Variants in SAMD12 observed in about 807,000 individuals in gnomAD.
SAMD12 encodes sterile alpha motif domain-containing protein 12.
In SAMD12, 9 loss-of-function variants were observed where a neutral mutation model predicts 15.0. The observed-to-expected ratio is 0.60, with a 90% CI of 0.36 to 1.05. The LOEUF (loss-of-function observed/expected upper bound fraction) is 1.05. Among genes scored for constraint, SAMD12 ranks in the 50% least tolerant of loss-of-function variants. The probability of loss-of-function intolerance (pLI) is 0.01; values close to 1 mark genes in which losing one functional copy is unlikely to be tolerated. For synonymous variants in SAMD12, 86 were observed against 90.1 expected (o/e 0.96, Z 0.25); for missense variants, 230 against 234.2 (o/e 0.98, Z 0.12).
chr8:118,386,360 C>G (rs576969823), intron 3 of SAMD12, among the ~76,000 whole-genome samples: 1 of 152,086 alleles, frequency 6.6e-6, no homozygotes, highest in African/African-American at 2.4e-5. Context: ...TCTCCTCTTG[C>G]GCGTGTATAA....
chr8:118,192,331 A>T (rs1819429249), exon 5 of SAMD12: 1 of 152,166 alleles, frequency 6.6e-6, no homozygotes, highest in South Asian at 2.1e-4. Context: ...AATGTGGCAA[A>T]AGCCATATGA....
chr8:118,169,162 C>T, the SAMD12 span, among the ~76,000 whole-genome samples: 1 of 152,128 alleles, frequency 6.6e-6, no homozygotes, highest in Non-Finnish European at 1.5e-5. Context: ...GCAATATACT[C>T]ATGTAACCAA....
exon 5 of SAMD12, chr8:118,190,126 C>T (rs1819322382): frequency 6.6e-6 from 1 of 152,148 alleles, no homozygotes; most frequent in Non-Finnish European, 1.5e-5. Context: ...TGTGTTCTGA[C>T]ATGTGCTTTT....
chr8:118,610,386 C>T (rs141851706), intron 1 of SAMD12, among the ~76,000 whole-genome samples: 208 of 152,192 alleles, frequency 1.4e-3, no homozygotes, highest in East Asian at 5.6e-3. Context: ...TTTGACAGAC[C>T]GGAAAGCAAC....
chr8:118,442,820 C>T (rs945835554), intron 2 of SAMD12, among the ~76,000 whole-genome samples: 6 of 152,180 alleles, frequency 3.9e-5, no homozygotes, highest in Middle Eastern at 3.4e-3. Flanking sequence ...GTCACAGAGG[C>T]GTAAATTAGG....
intron 1 of SAMD12, among the ~76,000 whole-genome samples, chr8:118,603,576 A>G (rs895816126): frequency 1.2e-4 from 18 of 152,220 alleles, no homozygotes; most frequent in Non-Finnish European, 1.9e-4. Flanking sequence ...CAGATATGCA[A>G]GTTCTCAAAA....
chr8:118,139,378 A>G, the SAMD12 span, among the ~76,000 whole-genome samples: 8 of 152,218 alleles, frequency 5.3e-5, no homozygotes, highest in Non-Finnish European at 1.0e-4. Flanking sequence ...TTTACTTTCT[A>G]TAAACAGTCT....
chr8:118,345,637 A>T (rs1223592666), intron 4 of SAMD12, among the ~76,000 whole-genome samples: 1 of 152,274 alleles, frequency 6.6e-6, no homozygotes, highest in African/African-American at 2.4e-5. Context: ...CAAACTGCTT[A>T]GAGAATTATC....
At chr8:118,456,379 A>G (rs748079441) in intron 2 of SAMD12, among the ~76,000 whole-genome samples, 2 of 152,310 alleles carry the variant, frequency 1.3e-5, no homozygotes, top group East Asian at 1.9e-4. Context: ...CGTCTTCACT[A>G]TATCCCTTAT....
chr8:118,140,994 T>C, the SAMD12 span, among the ~76,000 whole-genome samples: 1 of 152,258 alleles, frequency 6.6e-6, no homozygotes, highest in Non-Finnish European at 1.5e-5. Flanking sequence ...TCAGGGTTTA[T>C]CTGTCATTGC....
chr8:118,502,700 A>T (rs1031615913), intron 2 of SAMD12, among the ~76,000 whole-genome samples: 3 of 152,268 alleles, frequency 2.0e-5, no homozygotes, highest in African/African-American at 7.2e-5. Context: ...TATAATTTTG[A>T]AGAAAACATC....
chr8:118,415,498 C>T (rs1821642468), intron 3 of SAMD12, among the ~76,000 whole-genome samples: 2 of 130,710 alleles, frequency 1.5e-5, no homozygotes, highest in South Asian at 5.2e-4. Context: ...TAGACTACTG[C>T]CAATAATCAG....
chr8:118,360,716 C>G (rs1331118783), intron 4 of SAMD12, among the ~76,000 whole-genome samples: 6 of 152,152 alleles, frequency 3.9e-5, no homozygotes, highest in Non-Finnish European at 7.4e-5. Context: ...GTGAGATGGC[C>G]AGAAAGTCTA....
intron 4 of SAMD12, among the ~76,000 whole-genome samples, chr8:118,211,008 C>T (rs1165673672): frequency 6.6e-6 from 1 of 152,100 alleles, no homozygotes; most frequent in Non-Finnish European, 1.5e-5. Flanking sequence ...CAGAAAGCTC[C>T]CAGTCTAATG....
At chr8:118,537,355 A>T (rs1335789348) in intron 2 of SAMD12, among the ~76,000 whole-genome samples, 1 of 151,894 alleles carries the variant, frequency 6.6e-6, no homozygotes, top group Non-Finnish European at 1.5e-5. Flanking sequence ...ACCCCCTTTG[A>T]ATAATATTTC....
intron 4 of SAMD12, among the ~76,000 whole-genome samples, chr8:118,198,567 GA>G (rs1010825660): frequency 6.6e-5 from 10 of 150,812 alleles, no homozygotes; most frequent in South Asian, 4.2e-4. Context: ...TGATGCAAAA[GA>G]AAAAAAAATC....
intron 2 of SAMD12, among the ~76,000 whole-genome samples, chr8:118,544,559 G>A (rs149706371): frequency 6.6e-6 from 1 of 152,232 alleles, no homozygotes; most frequent in African/African-American, 2.4e-5. Context: ...GTTGCTCCAG[G>A]GATTTCACCC....
At chr8:118,164,226 T>G in the SAMD12 span, among the ~76,000 whole-genome samples, 1 of 152,160 alleles carries the variant, frequency 6.6e-6, no homozygotes, top group Non-Finnish European at 1.5e-5. Context: ...CCACATATAA[T>G]TATTATTTGG....
At chr8:118,383,584 G>A (rs377064108) in intron 3 of SAMD12, among the ~76,000 whole-genome samples, 3 of 152,034 alleles carry the variant, frequency 2.0e-5, no homozygotes, top group South Asian at 2.1e-4. Context: ...CTTGCTCTGC[G>A]GTCCTCTGCC....
Sources: gnomAD v4.1 joint callset for allele counts (sites outside exome capture counted in the v4.1 genomes callset) on GRCh38, gnomAD v4.1.1 for gene constraint, MANE v1.5 for transcripts, NCBI Gene and HGNC (gene_info 2026-07-23, HGNC 2026-07-21) for gene names.